DIXDC1: variants seen among roughly 807,000 people sequenced by gnomAD.
DIXDC1 encodes DIX domain containing 1.
In DIXDC1, 64 loss-of-function variants were observed where a neutral mutation model predicts 103.1. The ratio of observed to expected loss-of-function variants is 0.62; its 90% CI spans 0.51 to 0.76. The LOEUF (loss-of-function observed/expected upper bound fraction) is 0.76, where lower values mean the gene tolerates loss of function less well. DIXDC1 is among the 30% of genes least tolerant of loss of function. The pLI is 0.00. For synonymous variants in DIXDC1, 266 were observed against 298.5 expected, an observed-to-expected ratio of 0.89 and a Z score of 1.12; for missense variants, 759 against 834.2, an observed-to-expected ratio of 0.91 and a Z score of 1.11.
chr11:111,979,879 A>G (rs782491831), intron 5 of DIXDC1, among the ~76,000 whole-genome samples: 1 of 152,164 alleles, frequency 6.6e-6, no homozygotes, highest in Admixed American at 6.5e-5. Flanking sequence ...GCTCAAGCCC[A>G]TGAGCTTGAG....
At chr11:111,930,608 A>G (rs1555167568) in intron 2 of DIXDC1, among the ~76,000 whole-genome samples, 2 of 152,182 alleles carry the variant, frequency 1.3e-5, no homozygotes, top group Non-Finnish European at 2.9e-5. Flanking sequence ...TAAACATTAT[A>G]ATGGCTGTAA....
upstream of DIXDC1, among the ~76,000 whole-genome samples, chr11:111,932,888 C>T (rs1388845045): frequency 6.6e-6 from 1 of 152,154 alleles, no homozygotes; most frequent in Non-Finnish European, 1.5e-5. Flanking sequence ...GTCAGTTATT[C>T]AAGTTTTTGC....
At chr11:111,960,070 C>G (rs781830408) in intron 1 of DIXDC1, among the ~76,000 whole-genome samples, 1 of 151,756 alleles carries the variant, frequency 6.6e-6, no homozygotes, top group African/African-American at 2.4e-5. Flanking sequence ...CCACCACACC[C>G]GGCTAATTTT....
At chr11:111,945,378 G>T (rs1284089696) in intron 1 of DIXDC1, among the ~76,000 whole-genome samples, 5 of 152,120 alleles carry the variant, frequency 3.3e-5, no homozygotes, top group Non-Finnish European at 4.4e-5. Context: ...ATCAACTTTG[G>T]CAGACCAATC....
intron 1 of DIXDC1, among the ~76,000 whole-genome samples, chr11:111,942,669 T>C (rs979538005): frequency 1.3e-5 from 2 of 152,244 alleles, no homozygotes; most frequent in African/African-American, 2.4e-5. Context: ...GTTTGGGGAC[T>C]CATAACTGAT....
At chr11:111,970,133 G>GC (rs1298179805) in intron 3 of DIXDC1, among the ~76,000 whole-genome samples, 9 of 152,276 alleles carry the variant, frequency 5.9e-5, no homozygotes, top group African/African-American at 1.9e-4. Flanking sequence ...TCACCTCACT[G>GC]CAACGTCCGC....
chr11:111,941,273 A>G (rs1555168813), intron 1 of DIXDC1, among the ~76,000 whole-genome samples: 4 of 152,246 alleles, frequency 2.6e-5, no homozygotes, highest in South Asian at 2.1e-4. Flanking sequence ...AACTTGGGAA[A>G]ATTGAGGTGA....
chr11:111,951,553 A>G (rs587713851), intron 1 of DIXDC1, among the ~76,000 whole-genome samples: 104 of 152,288 alleles, frequency 6.8e-4, no homozygotes, highest in African/African-American at 2.3e-3. Flanking sequence ...AATATCCATG[A>G]GATTTGGGAG....
chr11:111,999,435 G>A (rs1860997675), intron 17 of DIXDC1, among the ~76,000 whole-genome samples: 2 of 152,146 alleles, frequency 1.3e-5, no homozygotes, highest in South Asian at 4.1e-4. Context: ...AGTTAACTCA[G>A]ACTATAGATC....
chr11:111,935,425 A>G (rs1966160024), upstream of DIXDC1, among the ~76,000 whole-genome samples: 2 of 152,304 alleles, frequency 1.3e-5, no homozygotes, highest in South Asian at 4.1e-4. Context: ...GACTTGTTTG[A>G]GAAACGCTGA....
intron 1 of DIXDC1, among the ~76,000 whole-genome samples, chr11:111,961,724 T>C (rs1286747210): frequency 6.6e-6 from 1 of 152,228 alleles, no homozygotes; most frequent in Non-Finnish European, 1.5e-5. Context: ...TACTTGTTCT[T>C]GTTTGTCCCC....
chr11:111,941,321 C>T (rs1214181143), intron 1 of DIXDC1, among the ~76,000 whole-genome samples: 2 of 152,130 alleles, frequency 1.3e-5, no homozygotes, highest in South Asian at 4.1e-4. Context: ...TGAACGTAGG[C>T]CCAGCTGTGG....
chr11:112,000,772 C>T (rs1467084909), intron 17 of DIXDC1, among the ~76,000 whole-genome samples: 2 of 151,156 alleles, frequency 1.3e-5, no homozygotes, highest in African/African-American at 4.9e-5. Context: ...CAAATCAAAA[C>T]CACAGTGAGA....
chr11:111,938,476 ACT>A (rs1966297743), intron 1 of DIXDC1, among the ~76,000 whole-genome samples: 1 of 151,196 alleles, frequency 6.6e-6, no homozygotes, highest in Non-Finnish European at 1.5e-5. Context: ...TCTCTCTGTG[ACT>A]CTCTGAAATT....
At position 112,017,645 on chromosome 11, in the gene DIXDC1, AT is replaced by A; in HGVS notation, c.1863-131del. 4.9e-6 allele frequency: 3 copies of A among 616,430 alleles called. No homozygotes were observed. The South Asian group carries it at 6.4e-5, about 13-fold the overall frequency. The allele number at this position is 616,430 out of a possible 1,614,324, so 38.2% of individuals were successfully genotyped here. ...CTCTGCTGTTTTAGTCATCTGGGTT[AT>A]CGGGGCAGTGACCTAACAAGGGGCT... On this transcript the variant is annotated intron_variant, in intron 18 of 19. Coordinates refer to ENST00000440460, the MANE Select transcript of DIXDC1 (RefSeq NM_001037954.4). The surrounding 1 kb of genome is among the most constrained non-coding windows in gnomAD (Gnocchi z 4.0).
chr11:112,020,999 A>T lies in DIXDC1; in HGVS notation c.*1963A>T, dbSNP rs1861742821. The T allele has an allele frequency of 6.6e-6, 1 of 152,264 alleles. No homozygotes were observed. The allele number at this position is 152,264 out of a possible 1,614,324, so 9.4% of individuals were successfully genotyped here. A position where few individuals can be genotyped will look rare whatever the true frequency, so the allele number is the denominator to read the frequency against. On this transcript the variant is annotated 3_prime_UTR_variant, in exon 20 of 20. Transcript: ENST00000440460. Reference sequence around the variant, plus strand: ...GAATTTTAGTGTTTTGCTATAAGACAGCATGAGGGCTATCAGGCCAAAATT... The same window carrying T: ...GAATTTTAGTGTTTTGCTATAAGACTGCATGAGGGCTATCAGGCCAAAATT...
intron 9 of DIXDC1, among the ~76,000 whole-genome samples, chr11:111,987,778 G>A (rs1300867786): frequency 6.6e-6 from 1 of 151,010 alleles, no homozygotes; most frequent in East Asian, 2.0e-4. Context: ...TCCTGCCTCA[G>A]CCTCCCAAGT....
intron 19 of DIXDC1, among the ~76,000 whole-genome samples, chr11:112,018,408 G>GT (rs782383445): frequency 6.6e-6 from 1 of 152,178 alleles, no homozygotes; most frequent in Non-Finnish European, 1.5e-5. Flanking sequence ...GGGTTATATA[G>GT]TATTACAAGT....
At position 111,977,912 on chromosome 11, in the gene DIXDC1, C is replaced by T; in HGVS notation, c.657-2825C>T. The T allele has an allele frequency of 3.7e-6, 5 of 1,366,300 alleles. No homozygotes were observed. Among genetic ancestry groups the T allele is most frequent in the Non-Finnish European group, 4.9e-6 (5 of 1,029,580 alleles). The allele number at this position is 1,366,300 out of a possible 1,614,324, so 84.6% of individuals were successfully genotyped here. On this transcript the variant is annotated intron_variant, in intron 5 of 19. Transcript: ENST00000440460. This position sits in a 1 kb window ranked among gnomAD's most constrained non-coding sequence, Gnocchi z 6.1. ...TGGTGGGAGCATTATGTTGGGAGGA[C>T]CGGCTGCTGACCAGGGGTTATCACT...
Sources: allele counts gnomAD v4.1 joint callset (sites outside exome capture counted in the v4.1 genomes callset), GRCh38; gene constraint gnomAD v4.1.1; non-coding constraint Gnocchi (gnomAD v3.1); transcripts MANE v1.5; gene names NCBI Gene and HGNC (gene_info 2026-07-23, HGNC 2026-07-21).